SNTG1: variants seen among roughly 807,000 people sequenced by gnomAD.
SNTG1 encodes the protein syntrophin gamma 1.
In SNTG1, 39 loss-of-function variants were observed where a neutral mutation model predicts 74.7. The observed-to-expected ratio is 0.52, with a 90% confidence interval of 0.40 to 0.68. The LOEUF (loss-of-function observed/expected upper bound fraction) is 0.68. Ranked by LOEUF, SNTG1 falls within the 30% of genes least tolerant of loss-of-function variation. SNTG1 has a pLI of 0.00. For synonymous variants in SNTG1, 254 were observed against 217.1 expected (o/e 1.17, Z -1.49); for missense variants, 685 against 609.5 (o/e 1.12, Z -1.30).
intron 2 of SNTG1, among the ~76,000 whole-genome samples, chr8:50,183,086 T>A (rs1470390740): frequency 6.6e-6 from 1 of 152,110 alleles, no homozygotes; most frequent in East Asian, 1.9e-4. Flanking sequence ...GTTACCTTGC[T>A]CCTCCTTGCT....
At chr8:50,548,093 C>T (rs1320711908) in intron 11 of SNTG1, among the ~76,000 whole-genome samples, 1 of 152,178 alleles carries the variant, frequency 6.6e-6, no homozygotes, top group Non-Finnish European at 1.5e-5. Flanking sequence ...ATCAATTGTA[C>T]TGGTGCTTCT....
At chr8:50,536,011 A>G (rs907276514) in intron 10 of SNTG1, among the ~76,000 whole-genome samples, 7 of 152,198 alleles carry the variant, frequency 4.6e-5, no homozygotes, top group Non-Finnish European at 8.8e-5. Context: ...TTTATCAAAT[A>G]TTAGTCTCCT....
At chr8:50,272,549 G>C (rs2087839226) in intron 2 of SNTG1, among the ~76,000 whole-genome samples, 1 of 152,144 alleles carries the variant, frequency 6.6e-6, no homozygotes, top group Admixed American at 6.5e-5. Context: ...GAGGACTTCA[G>C]CTCTTGCTTG....
chr8:49,939,978 A>T (rs2129373253), intron 1 of SNTG1, among the ~76,000 whole-genome samples: 1 of 152,342 alleles, frequency 6.6e-6, no homozygotes, highest in African/African-American at 2.4e-5. Flanking sequence ...TATGATACAC[A>T]GTAATAAGAT....
chr8:49,968,469 A>C (rs1811350874), intron 1 of SNTG1, among the ~76,000 whole-genome samples: 1 of 151,964 alleles, frequency 6.6e-6, no homozygotes, highest in Non-Finnish European at 1.5e-5. Flanking sequence ...TTAATTTTTC[A>C]GTTCCAAAAT....
intron 1 of SNTG1, among the ~76,000 whole-genome samples, chr8:50,039,754 G>A (rs538751864): frequency 6.6e-6 from 1 of 151,958 alleles, no homozygotes; most frequent in African/African-American, 2.4e-5. Context: ...GTATGCTTTC[G>A]TTTTATTTCT....
chr8:50,073,901 GTGT>G (rs1821594445), intron 1 of SNTG1, among the ~76,000 whole-genome samples: 1 of 150,094 alleles, frequency 6.7e-6, no homozygotes, highest in Non-Finnish European at 1.5e-5. Context: ...AACTGATATG[GTGT>G]TGTCCGGCTT....
At chr8:50,752,157 G>A (rs757547236) in intron 18 of SNTG1, 46 bp downstream of exon 18, 1 of 1,064,154 alleles carries the variant, frequency 9.4e-7, no homozygotes, top group Non-Finnish European at 1.3e-6. Context: ...CTACATTAAT[G>A]CCATTAAGGA....
chr8:50,055,933 A>G (rs1015350647), intron 1 of SNTG1, among the ~76,000 whole-genome samples: 33 of 152,106 alleles, frequency 2.2e-4, no homozygotes, highest in African/African-American at 7.7e-4. Context: ...ATTGGAAACA[A>G]TGGATAATGT....
At chr8:50,220,485 T>C (rs900274505) in intron 2 of SNTG1, among the ~76,000 whole-genome samples, 1 of 152,194 alleles carries the variant, frequency 6.6e-6, no homozygotes, top group Non-Finnish European at 1.5e-5. Flanking sequence ...CTGGAGGGGA[T>C]AATCTGTCTG....
chr8:50,692,252 C>G (rs2095383843), intron 15 of SNTG1, among the ~76,000 whole-genome samples: 1 of 152,286 alleles, frequency 6.6e-6, no homozygotes, highest in South Asian at 2.1e-4. Flanking sequence ...CTCAACTCGT[C>G]AAAGTCATTC....
At chr8:49,968,448 T>C (rs1032626748) in intron 1 of SNTG1, among the ~76,000 whole-genome samples, 5 of 151,976 alleles carry the variant, frequency 3.3e-5, no homozygotes, top group African/African-American at 1.2e-4. Context: ...GCACAATGTC[T>C]TGACATTGCA....
chr8:50,641,360 T>A (rs920122747), intron 13 of SNTG1, among the ~76,000 whole-genome samples: 2 of 152,108 alleles, frequency 1.3e-5, no homozygotes, highest in African/African-American at 4.8e-5. Flanking sequence ...ACTGAACACA[T>A]CTGCCCACTT....
intron 4 of SNTG1, among the ~76,000 whole-genome samples, chr8:50,429,983 G>C (rs766247630): frequency 6.6e-6 from 1 of 152,102 alleles, no homozygotes; most frequent in Non-Finnish European, 1.5e-5. Context: ...TGGAGAAATT[G>C]AAATTCTCAT....
chr8:50,216,299 A>G (rs2084789239), intron 2 of SNTG1, among the ~76,000 whole-genome samples: 1 of 152,068 alleles, frequency 6.6e-6, no homozygotes, highest in African/African-American at 2.4e-5. Flanking sequence ...TTCTAGTTCC[A>G]TGTGTTTTTA....
chr8:50,238,547 A>C (rs368259337), intron 2 of SNTG1, among the ~76,000 whole-genome samples: 11 of 152,280 alleles, frequency 7.2e-5, no homozygotes, highest in African/African-American at 2.6e-4. Flanking sequence ...TCCTAGAGGA[A>C]GACCTAGGAT....
chr8:50,369,091 A>T (rs1201159817), intron 2 of SNTG1, among the ~76,000 whole-genome samples: 1 of 152,134 alleles, frequency 6.6e-6, no homozygotes, highest in African/African-American at 2.4e-5. Flanking sequence ...CTGGAATGGG[A>T]TGAATGTATT....
intron 5 of SNTG1, among the ~76,000 whole-genome samples, chr8:50,449,368 A>T (rs1382399040): frequency 6.6e-6 from 1 of 152,318 alleles, no homozygotes; most frequent in South Asian, 2.1e-4. Context: ...CTAAATAAGA[A>T]TTTCTATTGG....
intron 1 of SNTG1, among the ~76,000 whole-genome samples, chr8:49,924,404 C>T (rs1046174926): frequency 6.6e-6 from 1 of 152,124 alleles, no homozygotes; most frequent in African/African-American, 2.4e-5. Flanking sequence ...CAGATAATAA[C>T]CCACACTTCC....
Sources: gnomAD v4.1 joint callset for allele counts (sites outside exome capture counted in the v4.1 genomes callset) on GRCh38, gnomAD v4.1.1 for gene constraint, MANE v1.5 for transcripts, NCBI Gene and HGNC (gene_info 2026-07-23, HGNC 2026-07-21) for gene names.